RAPGEF5: variants seen among roughly 807,000 people sequenced by gnomAD.
The protein encoded by RAPGEF5 is M-Ras-regulated GEF.
A neutral mutation model predicts 125.2 loss-of-function variants in RAPGEF5; 65 were observed. That is an observed-to-expected ratio of 0.52 (90% CI 0.43 to 0.64). The LOEUF (loss-of-function observed/expected upper bound fraction) is 0.64, where lower values mean the gene tolerates loss of function less well. Ranked by LOEUF, RAPGEF5 falls within the 30% of genes least tolerant of loss-of-function variation. The pLI is 0.00. For synonymous variants in RAPGEF5, 391 were observed against 385.9 expected (o/e 1.01, Z -0.16); for missense variants, 958 against 1,048.1 (o/e 0.91, Z 1.19).
rs754184022 is a variant in RAPGEF5 at position 22,291,188 on chromosome 7, C to A, written c.734G>T (p.Arg245Leu). 1 of 1,589,432 alleles carries A rather than the reference C, an allele frequency of 6.3e-7. No homozygotes were observed. The highest frequency in any genetic ancestry group is 8.6e-7 in the Non-Finnish European group (1 of 1,169,240). ...GCATGGTCTTACCGCAGATGTTAGA[C>A]GCACAAGAATTTCATCACTGCTTTC... ...SEESSDEILV[R>L]LTSAVQRELA... Residue 245 changes from arginine to leucine, a missense_variant, in exon 6 of 26, where the codon CGT becomes CTT. Physicochemically the swap from Arg to Leu is moderately radical, Grantham distance 102. Transcript: ENST00000665637.
chr7:22,167,115 G>A lies in RAPGEF5; in HGVS notation c.1238C>T (p.Thr413Ile). Residue 413 changes from threonine to isoleucine, a missense_variant, in exon 12 of 26, where the codon ACT (threonine) becomes ATT (isoleucine). Physicochemically the swap from Thr to Ile is moderately conservative, Grantham distance 89. Coordinates refer to ENST00000665637, the MANE Select transcript of RAPGEF5 (RefSeq NM_012294.5). ...CAAGTCATCAGTTGTCATGAAGACA[G>A]TGTACGTGAGAAGGAAGTCATCCAG... ...TLLDDFLLTYTVFMTTDDLCQ... is the reference protein window; with the variant it reads ...TLLDDFLLTYIVFMTTDDLCQ... 2 of 1,613,174 alleles carry A rather than the reference G, an allele frequency of 1.2e-6. No homozygotes were observed. Among genetic ancestry groups the A allele is most frequent in the African/African-American group, 1.3e-5 (1 of 74,966 alleles).
At chr7:22,137,619 A>G (rs1739903537) in intron 21 of RAPGEF5, among the ~76,000 whole-genome samples, 1 of 152,226 alleles carries the variant, frequency 6.6e-6, no homozygotes, top group African/African-American at 2.4e-5. Context: ...GGTGCCTTTC[A>G]ATATTGACTT....
At chr7:22,324,568 C>A (rs1783778203) in intron 1 of RAPGEF5, among the ~76,000 whole-genome samples, 1 of 152,154 alleles carries the variant, frequency 6.6e-6, no homozygotes, top group Admixed American at 6.5e-5. Flanking sequence ...AGTTTTGCAA[C>A]TTTTAAGTCT....
intron 8 of RAPGEF5, among the ~76,000 whole-genome samples, chr7:22,225,969 C>T (rs191742228): frequency 3.1e-3 from 469 of 152,218 alleles, no homozygotes; most frequent in Non-Finnish European, 4.7e-3. Context: ...TGGGTCCATC[C>T]CCTCAATGGC....
intron 9 of RAPGEF5, among the ~76,000 whole-genome samples, chr7:22,194,321 C>T (rs1227795887): frequency 6.6e-6 from 1 of 152,072 alleles, no homozygotes; most frequent in Non-Finnish European, 1.5e-5. Context: ...TTAAAACTAC[C>T]TAAACAATTT....
intron 20 of RAPGEF5, among the ~76,000 whole-genome samples, chr7:22,141,113 A>T (rs185028104): frequency 2.6e-5 from 4 of 151,054 alleles, no homozygotes; most frequent in Admixed American, 2.6e-4. Context: ...GTTAAATACC[A>T]TGTTATATTA....
chr7:22,222,228 G>C (rs1785809594), intron 8 of RAPGEF5, among the ~76,000 whole-genome samples: 1 of 152,102 alleles, frequency 6.6e-6, no homozygotes, highest in African/African-American at 2.4e-5. Context: ...GACAGAGCGA[G>C]AGTCCATCTC....
At chr7:22,141,932 A>G (rs1482676793) in intron 20 of RAPGEF5, among the ~76,000 whole-genome samples, 1 of 152,154 alleles carries the variant, frequency 6.6e-6, no homozygotes, top group Non-Finnish European at 1.5e-5. Context: ...TTTGAGAATC[A>G]CTGCCTTTCA....
At chr7:22,273,046 C>T (rs1033847965) in intron 6 of RAPGEF5, among the ~76,000 whole-genome samples, 4 of 152,144 alleles carry the variant, frequency 2.6e-5, no homozygotes, top group Non-Finnish European at 5.9e-5. Context: ...AGGCGTGAGC[C>T]ACCATGCCCA....
intron 6 of RAPGEF5, among the ~76,000 whole-genome samples, chr7:22,271,226 G>A (rs1782409929): frequency 6.6e-6 from 1 of 152,284 alleles, no homozygotes; most frequent in East Asian, 1.9e-4. Context: ...TCAGAATCTC[G>A]GGATTGAACC....
intron 6 of RAPGEF5, among the ~76,000 whole-genome samples, chr7:22,290,860 T>G (rs898479126): frequency 6.6e-6 from 1 of 152,164 alleles, no homozygotes; most frequent in African/African-American, 2.4e-5. Flanking sequence ...AAAGAGTCTT[T>G]TCTCCTTTGT....
chr7:22,232,041 G>C (rs535885016), intron 7 of RAPGEF5, among the ~76,000 whole-genome samples: 2 of 152,296 alleles, frequency 1.3e-5, no homozygotes, highest in Non-Finnish European at 2.9e-5. Context: ...ACTCAGATCA[G>C]GGAAGTGGCA....
chr7:22,176,865 TCTTACATTTA>T (rs1158609282), intron 11 of RAPGEF5, among the ~76,000 whole-genome samples: 2 of 152,192 alleles, frequency 1.3e-5, no homozygotes, highest in Admixed American at 6.6e-5. Context: ...TGGCACAGGA[TCTTACATTTA>T]CTGACAATTT....
chr7:22,182,028 C>A (rs1483501774), intron 11 of RAPGEF5, among the ~76,000 whole-genome samples: 1 of 152,182 alleles, frequency 6.6e-6, no homozygotes, highest in Non-Finnish European at 1.5e-5. Context: ...GATTAACATG[C>A]AGTGACTGTA....
intron 11 of RAPGEF5, among the ~76,000 whole-genome samples, chr7:22,187,191 C>T (rs1244077933): frequency 6.6e-6 from 1 of 152,186 alleles, no homozygotes; most frequent in Non-Finnish European, 1.5e-5. Flanking sequence ...TGGAGGTCAT[C>T]TACACCAATT....
chr7:22,174,432 C>T (rs372170181), intron 11 of RAPGEF5, among the ~76,000 whole-genome samples: 1 of 152,150 alleles, frequency 6.6e-6, no homozygotes, highest in African/African-American at 2.4e-5. Flanking sequence ...ACACCAGGGC[C>T]ACATCTCCTA....
chr7:22,220,176 A>T (rs931251192), intron 8 of RAPGEF5, 185 bp from the exon 9 acceptor site: 6 of 690,710 alleles, frequency 8.7e-6, no homozygotes, highest in Non-Finnish European at 1.2e-5. Context: ...GCACCATGCC[A>T]AAAGACTTAA....
chr7:22,266,811 G>A (rs1782293174), intron 7 of RAPGEF5, among the ~76,000 whole-genome samples, 153 bp downstream of exon 7: 1 of 152,106 alleles, frequency 6.6e-6, no homozygotes, highest in Non-Finnish European at 1.5e-5. Context: ...TATTCTGATG[G>A]TAGAACAAAT....
chr7:22,154,672 C>CTTTTTT, intron 16 of RAPGEF5, 68 bp from the exon 17 acceptor site: 47 of 1,537,340 alleles, frequency 3.1e-5, no homozygotes, highest in Admixed American at 1.4e-4. Flanking sequence ...TTTTCCAAAT[C>CTTTTTT]AAGGCACCTT....
Sources: gnomAD v4.1 joint callset for allele counts (sites outside exome capture counted in the v4.1 genomes callset) on GRCh38, gnomAD v4.1.1 for gene constraint, MANE v1.5 for transcripts, NCBI Gene and HGNC (gene_info 2026-07-23, HGNC 2026-07-21) for gene names.